ARHGAP26: variants seen among roughly 807,000 people sequenced by gnomAD.
ARHGAP26 encodes Rho GTPase activating protein 26, also known as rho GTPase-activating protein 26.
In ARHGAP26, 38 loss-of-function variants were observed where a neutral mutation model predicts 104.8. The observed-to-expected ratio is 0.36, with a 90% CI of 0.28 to 0.48. The LOEUF (loss-of-function observed/expected upper bound fraction) is 0.48. ARHGAP26 is among the 20% of genes least tolerant of loss of function. ARHGAP26 has a pLI of 0.99. For synonymous variants in ARHGAP26, 341 were observed against 340.0 expected, an observed-to-expected ratio of 1.00 and a Z score of -0.03; for missense variants, 704 against 947.9, an observed-to-expected ratio of 0.74 and a Z score of 3.38.
chr5:143,156,432 T>G (rs182270328), intron 20 of ARHGAP26, among the ~76,000 whole-genome samples: 1 of 152,314 alleles, frequency 6.6e-6, no homozygotes, highest in Admixed American at 6.5e-5. Context: ...GCACTGGTTC[T>G]CAGAGTGTGG....
chr5:142,928,133 A>G (rs1011841963), intron 10 of ARHGAP26, among the ~76,000 whole-genome samples: 5 of 152,072 alleles, frequency 3.3e-5, no homozygotes, highest in African/African-American at 1.2e-4. Context: ...GTAATTAAGT[A>G]ATTAAATTCA....
chr5:143,025,194 C>T (rs1009206090), intron 12 of ARHGAP26, among the ~76,000 whole-genome samples: 6 of 152,168 alleles, frequency 3.9e-5, no homozygotes, highest in Non-Finnish European at 5.9e-5. Context: ...TTGATTTTCA[C>T]AACACCTGCA....
At chr5:143,070,051 C>G (rs1788033804) in intron 17 of ARHGAP26, among the ~76,000 whole-genome samples, 1 of 152,146 alleles carries the variant, frequency 6.6e-6, no homozygotes, top group African/African-American at 2.4e-5. Flanking sequence ...TCTTGGTTCA[C>G]CAGTCCTCAG....
chr5:143,119,896 A>G (rs1431344411), intron 17 of ARHGAP26, among the ~76,000 whole-genome samples: 1 of 152,164 alleles, frequency 6.6e-6, no homozygotes, highest in African/African-American at 2.4e-5. Flanking sequence ...CTTCCTTAAA[A>G]AAAAAAAAAG....
At chr5:143,184,833 G>A (rs146701290) in intron 20 of ARHGAP26, among the ~76,000 whole-genome samples, 1 of 152,280 alleles carries the variant, frequency 6.6e-6, no homozygotes, top group African/African-American at 2.4e-5. Flanking sequence ...GGGAAGGAAC[G>A]TGTGTGAGGC....
chr5:143,152,472 T>C (rs1257802247), intron 20 of ARHGAP26, among the ~76,000 whole-genome samples: 2 of 152,250 alleles, frequency 1.3e-5, no homozygotes, highest in African/African-American at 2.4e-5. Context: ...ACTAAACCTA[T>C]GTGAAACTTG....
chr5:143,224,107 C>CT lies in ARHGAP26; in HGVS notation c.*1673dup, dbSNP rs11347785. 4,488 of 207,196 alleles carry CT rather than the reference C, an allele frequency of 0.022. 59 individuals carry two copies. The highest frequency in any genetic ancestry group is 0.059 in the African/African-American group (2,567 of 43,522). 12.8% of individuals were successfully genotyped at this position (207,196 alleles called of 1,614,324 possible). ...TTGTGTTGAATTACTGTATCTTTTA[C>CT]TTTTTTTTTTTTGAAAAGATAAACT... On this transcript the variant is annotated 3_prime_UTR_variant, in exon 23 of 23. Coordinates refer to ENST00000645722, the MANE Select transcript of ARHGAP26 (RefSeq NM_001135608.3).
intron 19 of ARHGAP26, among the ~76,000 whole-genome samples, chr5:143,144,231 G>C (rs557352412): frequency 6.6e-6 from 1 of 152,204 alleles, no homozygotes; most frequent in South Asian, 2.1e-4. Context: ...CAGTGACTCA[G>C]GGAAGTCTAG....
intron 17 of ARHGAP26, among the ~76,000 whole-genome samples, chr5:143,099,469 A>G (rs1376953902): frequency 6.6e-6 from 1 of 152,254 alleles, no homozygotes; most frequent in South Asian, 2.1e-4. Context: ...AGGCCTCACC[A>G]TCATTGAAAG....
intron 1 of ARHGAP26, among the ~76,000 whole-genome samples, chr5:142,861,046 C>G (rs1414511390): frequency 6.6e-6 from 1 of 152,196 alleles, no homozygotes; most frequent in Non-Finnish European, 1.5e-5. Context: ...TTTGGCCTCT[C>G]TCATTCTGTG....
intron 18 of ARHGAP26, among the ~76,000 whole-genome samples, chr5:143,124,530 A>G (rs1796500525): frequency 6.6e-6 from 1 of 152,168 alleles, no homozygotes. Flanking sequence ...CACAGCTGGG[A>G]CTTTGGTACT....
At chr5:142,969,204 G>A (rs1226253821) in intron 11 of ARHGAP26, 3 of 152,246 alleles carry the variant, frequency 2.0e-5, no homozygotes, top group Non-Finnish European at 4.4e-5. Context: ...GCCTACCAAA[G>A]TGCTGGGATA....
chr5:142,868,252 G>A (rs1754676898), intron 1 of ARHGAP26, among the ~76,000 whole-genome samples: 2 of 152,320 alleles, frequency 1.3e-5, no homozygotes, highest in East Asian at 3.9e-4. Flanking sequence ...TGTGGTGGCA[G>A]GTAGGAGTTG....
At chr5:142,992,433 A>T (rs1047774090) in intron 11 of ARHGAP26, among the ~76,000 whole-genome samples, 2 of 149,950 alleles carry the variant, frequency 1.3e-5, no homozygotes, top group Admixed American at 6.6e-5. Context: ...ATTTTATTTT[A>T]TTTTTTATTT....
intron 11 of ARHGAP26, among the ~76,000 whole-genome samples, chr5:142,980,134 A>G (rs576019761): frequency 2.6e-5 from 4 of 152,288 alleles, no homozygotes; most frequent in African/African-American, 4.8e-5. Context: ...TTGGTGCTTC[A>G]TGTAAATGGA....
intron 19 of ARHGAP26, among the ~76,000 whole-genome samples, chr5:143,137,704 A>G (rs1302998171): frequency 6.6e-6 from 1 of 152,122 alleles, no homozygotes; most frequent in Non-Finnish European, 1.5e-5. Flanking sequence ...TTTATTTGGC[A>G]TTCCATTTGT....
chr5:143,020,732 G>A (rs245817), intron 12 of ARHGAP26, among the ~76,000 whole-genome samples: 28,116 of 145,702 alleles, frequency 0.19, 3,110 homozygotes, highest in East Asian at 0.5. Flanking sequence ...TCCCCCTCCC[G>A]GGTTCACGCC....
intron 12 of ARHGAP26, among the ~76,000 whole-genome samples, chr5:143,031,749 G>A (rs915097845): frequency 6.6e-6 from 1 of 151,914 alleles, no homozygotes; most frequent in African/African-American, 2.4e-5. Context: ...TTTATTTTTT[G>A]AGACAGTCTT....
chr5:143,163,342 C>T (rs1410133541), intron 20 of ARHGAP26, among the ~76,000 whole-genome samples: 1 of 152,096 alleles, frequency 6.6e-6, no homozygotes, highest in Non-Finnish European at 1.5e-5. Flanking sequence ...CCAATAATTT[C>T]CCTAGTTCGT....
Sources: gnomAD v4.1 joint callset for allele counts (sites outside exome capture counted in the v4.1 genomes callset) on GRCh38, gnomAD v4.1.1 for gene constraint, MANE v1.5 for transcripts, NCBI Gene and HGNC (gene_info 2026-07-23, HGNC 2026-07-21) for gene names.